Variants in TNPO1 observed in about 807,000 individuals in gnomAD.
TNPO1 encodes the protein transportin 1, also known as transportin-1.
TNPO1 carries 8 observed loss-of-function variants against 119.5 expected under a neutral mutation model. That is an observed-to-expected ratio of 0.07 (90% CI 0.04 to 0.12). The LOEUF (loss-of-function observed/expected upper bound fraction) is 0.12. Among genes scored for constraint, TNPO1 ranks in the 10% least tolerant of loss-of-function variants. The pLI, the probability that TNPO1 is intolerant of heterozygous loss-of-function variation, is 1.00. For missense variants in TNPO1, 576 were observed against 1,089.8 expected (o/e 0.53, Z 6.64); for synonymous variants, 362 against 363.0 (o/e 1.00, Z 0.03).
At chr5:72,885,410 A>G (rs149522286) in intron 11 of TNPO1, among the ~76,000 whole-genome samples, 107 of 152,336 alleles carry the variant, frequency 7.0e-4, no homozygotes, top group South Asian at 1.9e-3. Flanking sequence ...TAATATACAT[A>G]CATGGATGGG....
chr5:72,855,212 TCTCGAA>T (rs923973495), intron 3 of TNPO1, among the ~76,000 whole-genome samples: 3 of 151,624 alleles, frequency 2.0e-5, no homozygotes, highest in South Asian at 4.2e-4. Context: ...GCCGGTCTGG[TCTCGAA>T]CTCCTGGCCT....
At chr5:72,852,469 G>T (rs1745657517) in intron 3 of TNPO1, among the ~76,000 whole-genome samples, 1 of 152,170 alleles carries the variant, frequency 6.6e-6, no homozygotes, top group African/African-American at 2.4e-5. Flanking sequence ...CTGAAACATT[G>T]TGGACACATA....
At chr5:72,832,405 A>G (rs907635448) in intron 1 of TNPO1, among the ~76,000 whole-genome samples, 3 of 152,070 alleles carry the variant, frequency 2.0e-5, no homozygotes, top group African/African-American at 7.2e-5. Context: ...TATTCGTTCT[A>G]TATTAGCTTC....
At chr5:72,894,721 T>G (rs1749300004) in intron 18 of TNPO1, among the ~76,000 whole-genome samples, 1 of 152,206 alleles carries the variant, frequency 6.6e-6, no homozygotes, top group Non-Finnish European at 1.5e-5. Context: ...AAATATTAAT[T>G]GAATGTTTTG....
At chr5:72,829,024 T>A (rs1001227340) in intron 1 of TNPO1, among the ~76,000 whole-genome samples, 5 of 152,198 alleles carry the variant, frequency 3.3e-5, no homozygotes, top group African/African-American at 4.8e-5. Flanking sequence ...TTTAGAAAGG[T>A]AAAACAACTT....
At chr5:72,865,159 A>G (rs533464603) in intron 5 of TNPO1, among the ~76,000 whole-genome samples, 1 of 152,290 alleles carries the variant, frequency 6.6e-6, no homozygotes, top group South Asian at 2.1e-4. Context: ...ATTGAATATT[A>G]GAGCGGGCAT....
At chr5:72,875,151 A>C (rs1403604329) in intron 7 of TNPO1, among the ~76,000 whole-genome samples, 1 of 152,238 alleles carries the variant, frequency 6.6e-6, no homozygotes, top group African/African-American at 2.4e-5. Context: ...AATATTTATT[A>C]CTAATTTTAT....
rs1419705201 is a variant in TNPO1, at chr5:72,914,051, T to A, written c.*5378T>A. On this transcript the variant is annotated 3_prime_UTR_variant, in exon 25 of 25. Transcript: ENST00000337273. The stretch of plus-strand genomic sequence containing the variant: ...ACAACTTAGGTTGTATGAGTTATGC[T>A]TAAAAGCTTTAAATCTGATGTTTCC... The A allele has an allele frequency of 6.6e-6, 1 of 152,596 alleles. No homozygotes were observed. Among genetic ancestry groups the A allele is most frequent in the African/African-American group, 2.4e-5 (1 of 41,474 alleles). 9.5% of individuals were successfully genotyped at this position (152,596 alleles called of 1,614,324 possible).
At chr5:72,823,213 TCTTA>T (rs971380128) in intron 1 of TNPO1, among the ~76,000 whole-genome samples, 13 of 152,118 alleles carry the variant, frequency 8.5e-5, no homozygotes, top group African/African-American at 2.9e-4. Flanking sequence ...TCATGAGTCT[TCTTA>T]CTTCTTTCAG....
Position 72,892,586 on chromosome 5 carries a change from A to C in TNPO1, c.1789-553A>C, listed in dbSNP as rs541880883. Among the ~76,000 whole-genome samples, 146 of 151,962 alleles carry C rather than the reference A, an allele frequency of 9.6e-4. 4 individuals carry two copies. In the South Asian group the frequency reaches 0.029, roughly 30 times the overall value. On this transcript the variant is annotated intron_variant, in intron 15 of 24. Coordinates refer to ENST00000337273, the MANE Select transcript of TNPO1 (RefSeq NM_002270.4). ...GTATCTGCAGGGGATTGTTTCCAGG[A>C]CTCCCCTTGGATACAGAAATCCAGC...
At chr5:72,848,694 C>T (rs1426418519) in intron 2 of TNPO1, among the ~76,000 whole-genome samples, 196 bp downstream of exon 2, 2 of 147,230 alleles carry the variant, frequency 1.4e-5, no homozygotes, top group Non-Finnish European at 1.5e-5. Context: ...GCCCTGGTGC[C>T]TGGGCCGGGG....
intron 1 of TNPO1, among the ~76,000 whole-genome samples, chr5:72,829,582 T>C (rs1276863629): frequency 6.6e-6 from 1 of 152,264 alleles, no homozygotes; most frequent in African/African-American, 2.4e-5. Context: ...GTAGCAAGTA[T>C]AAGAAGTAAT....
chr5:72,851,387 A>G, intron 3 of TNPO1, 68 bp downstream of exon 3: 1 of 940,750 alleles, frequency 1.1e-6, no homozygotes, highest in Non-Finnish European at 1.7e-6. Context: ...ACTGAGAATT[A>G]TTCATTTCAA....
Position 72,893,136 on chromosome 5 carries a change from T to C in TNPO1, c.1789-3T>C. ...TTTAGCATGTGTACTTTATTCTTCC[T>C]AGTGCCTATCTTCAGTTGCCACAGC... On this transcript the variant is annotated splice_region_variant and splice_polypyrimidine_tract_variant and intron_variant, in intron 15 of 24. Transcript: ENST00000337273. The C allele has an allele frequency of 1.9e-6, 3 of 1,610,326 alleles. No homozygotes were observed. The highest frequency in any genetic ancestry group is 2.5e-6 in the Non-Finnish European group (3 of 1,177,988).
intron 9 of TNPO1, among the ~76,000 whole-genome samples, chr5:72,880,835 C>A (rs1020273144): frequency 6.1e-5 from 7 of 114,254 alleles, no homozygotes; most frequent in Admixed American, 1.9e-4. Context: ...AAAAAAAAAA[C>A]CTCATTTTTA....
At chr5:72,858,145 C>T (rs190080474) in intron 4 of TNPO1, among the ~76,000 whole-genome samples, 1 of 152,228 alleles carries the variant, frequency 6.6e-6, no homozygotes, top group East Asian at 1.9e-4. Context: ...GAGCTTCAAA[C>T]ATAACTGCAG....
intron 21 of TNPO1, 53 bp downstream of exon 21, chr5:72,900,134 C>T: frequency 1.4e-6 from 2 of 1,441,152 alleles, no homozygotes; most frequent in South Asian, 2.4e-5. Flanking sequence ...CTCTTTCTTT[C>T]TCTATCTCAC....
At chr5:72,835,428 A>G (rs266426) in intron 1 of TNPO1, among the ~76,000 whole-genome samples, 124,934 of 152,178 alleles carry the variant, frequency 0.82, 51,555 homozygotes, top group Non-Finnish European at 0.86. Flanking sequence ...CCAATTTGAT[A>G]TCTAGTGAAG....
chr5:72,878,569 A>G (rs1375125598), intron 9 of TNPO1: 1 of 153,038 alleles, frequency 6.5e-6, no homozygotes, highest in Non-Finnish European at 1.5e-5. Flanking sequence ...TTTTCTTTCC[A>G]TCAAGAAAGC....
Sources: allele counts gnomAD v4.1 joint callset (sites outside exome capture counted in the v4.1 genomes callset), GRCh38; gene constraint gnomAD v4.1.1; transcripts MANE v1.5; gene names NCBI Gene and HGNC (gene_info 2026-07-23, HGNC 2026-07-21).